The following ZNF638 variants were observed in gnomAD, a reference collection of about 807,000 sequenced individuals.
ZNF638 encodes zinc finger protein 638.
ZNF638 carries 46 observed loss-of-function variants against 195.6 expected under a neutral mutation model. That is an observed-to-expected ratio of 0.24 (90% CI 0.19 to 0.30). The LOEUF is 0.30. ZNF638 is among the 10% of genes least tolerant of loss of function. The pLI, the probability that ZNF638 is intolerant of heterozygous loss-of-function variation, is 1.00. For missense variants in ZNF638, 2,440 were observed against 2,325.3 expected (o/e 1.05, Z -1.01); for synonymous variants, 845 against 772.0 (o/e 1.09, Z -1.57).
At position 71,365,632 on chromosome 2, in the gene ZNF638, T is replaced by G. The variant is rs1265866611; in HGVS notation, c.1921T>G (p.Ser641Ala). The G allele has an allele frequency of 8.1e-6, 13 of 1,613,930 alleles. No homozygotes were observed. The highest frequency in any genetic ancestry group is 1.3e-5 in the African/African-American group (1 of 74,920). ...NLGGHSIRCKSKNLEDDTLSE... is the reference protein window; with the variant it reads ...NLGGHSIRCKAKNLEDDTLSE... ...AGGAGGACATTCTATTCGTTGTAAA[T>G]CAAAGAATCTTGAAGATGACACTTT... is the stretch of plus-strand genomic sequence containing the variant. Residue 641 changes from serine (S) to alanine (A), a missense_variant, in exon 6 of 28, where the codon TCA (serine) becomes GCA (alanine). By Grantham distance (99) the Ser-to-Ala change is moderately conservative. Around this residue, in one of 5 missense-constraint regions of ZNF638, gnomAD observed 1,883 missense variants for 1,739.1 expected, o/e 1.08. Transcript: ENST00000264447.
At chr2:71,344,847 A>G (rs986971354) in intron 1 of ZNF638, among the ~76,000 whole-genome samples, 6 of 152,246 alleles carry the variant, frequency 3.9e-5, no homozygotes, top group African/African-American at 1.4e-4. Flanking sequence ...ATAAATAACA[A>G]GCATCCTTTT....
Position 71,335,199 on chromosome 2 carries a change from G to A in ZNF638, c.-203+3324G>A, listed in dbSNP as rs369134664. ...CAACAGGCACACGTCCCCACACTTG[G>A]CTAATCTTTTTTAAAAAAATTCATA... On this transcript the variant is annotated intron_variant, in intron 1 of 27. Transcript: ENST00000264447. 6.8e-4 allele frequency among the ~76,000 whole-genome samples: 103 copies of A among 152,066 alleles called. No individual in the cohort carries two copies. In the South Asian group the frequency reaches 0.016, roughly 24 times the overall value.
At chr2:71,400,652 C>A in intron 15 of ZNF638, 134 bp downstream of exon 15, 1 of 704,284 alleles carries the variant, frequency 1.4e-6, no homozygotes, top group Non-Finnish European at 2.2e-6. Context: ...ACTTTTAAAA[C>A]ATGATTTTTA....
chr2:71,341,880 T>C (rs1176600086), intron 1 of ZNF638: 1 of 152,214 alleles, frequency 6.6e-6, no homozygotes, highest in African/African-American at 2.4e-5. Flanking sequence ...CTGTTTCTTA[T>C]CACACTGTTT....
chr2:71,433,186 A>G lies in ZNF638; in HGVS notation c.5774A>G (p.Lys1925Arg). Residue 1925 changes from lysine (K) to arginine (R), a missense_variant, in exon 27 of 28, where the codon AAG becomes AGG. This residue lies in a region of ZNF638 where 1,883 missense variants were observed against 1,739.1 expected (regional missense o/e 1.08). Transcript: ENST00000264447. ...CTAGAATTAGACTTTCTTGTACCTA[A>G]GGCTGGATTCTTCTGTCCAATTTGT... ...VPEELDFLVP[K>R]AGFFCPICSL... The G allele has an allele frequency of 6.2e-7, 1 of 1,613,228 alleles. No homozygotes were observed. The highest frequency in any genetic ancestry group is 8.5e-7 in the Non-Finnish European group (1 of 1,179,216).
rs866309020 is a variant in ZNF638, at chr2:71,434,912, C to T, written c.*105C>T. On this transcript the variant is annotated 3_prime_UTR_variant, in exon 28 of 28. Transcript: ENST00000264447. ...AATTTTCGTTTCAGAAGCAAATATT[C>T]GTGTTGTACAAATTTCTGATTGCCC... is the stretch of plus-strand genomic sequence containing the variant. 3 of 975,182 alleles carry T rather than the reference C, an allele frequency of 3.1e-6. No homozygotes were observed. Among genetic ancestry groups the T allele is most frequent in the African/African-American group, 1.7e-5 (1 of 60,532 alleles). The allele number at this position is 975,182 out of a possible 1,614,324, so 60.4% of individuals were successfully genotyped here.
chr2:71,355,272 G>C (rs377737726), intron 2 of ZNF638, among the ~76,000 whole-genome samples: 3 of 152,136 alleles, frequency 2.0e-5, no homozygotes, highest in Non-Finnish European at 4.4e-5. Context: ...TTTGATTGTT[G>C]ATGTTGTTAG....
At chr2:71,356,622 CAAAATA>C (rs574423027) in intron 3 of ZNF638, among the ~76,000 whole-genome samples, 79 of 151,758 alleles carry the variant, frequency 5.2e-4, no homozygotes, top group African/African-American at 1.9e-3. Context: ...TTGTCTCTAC[CAAAATA>C]AAAATAAAAA....
chr2:71,401,747 C>A (rs1288013377), intron 15 of ZNF638, among the ~76,000 whole-genome samples: 1 of 151,682 alleles, frequency 6.6e-6, no homozygotes, highest in Non-Finnish European at 1.5e-5. Context: ...GGTATAACTA[C>A]AATTAGTCTG....
At chr2:71,355,540 G>A (rs1255841456) in intron 2 of ZNF638, among the ~76,000 whole-genome samples, 179 bp from the exon 3 acceptor site, 1 of 152,158 alleles carries the variant, frequency 6.6e-6, no homozygotes, top group African/African-American at 2.4e-5. Context: ...GGTATTAAGT[G>A]CATTTGTTTC....
chr2:71,403,032 T>G (rs1287368901), intron 16 of ZNF638, among the ~76,000 whole-genome samples: 1 of 152,164 alleles, frequency 6.6e-6, no homozygotes. Flanking sequence ...TTGTGTACAG[T>G]GGTTGAACTT....
At chr2:71,332,937 C>T in intron 1 of ZNF638, 1 of 152,126 alleles carries the variant, frequency 6.6e-6, no homozygotes, top group East Asian at 1.9e-4. Flanking sequence ...TTCCAACGAG[C>T]TCTGGAATTT....
At position 71,386,619 on chromosome 2, in the gene ZNF638, A is replaced by G. The variant is rs541575774; in HGVS notation, c.2377+6054A>G. 3.5e-4 allele frequency among the ~76,000 whole-genome samples: 54 copies of G among 152,338 alleles called. 2 individuals carry two copies. Among genetic ancestry groups the G allele is most frequent in the African/African-American group, 1.1e-3 (47 of 41,586 alleles). The stretch of plus-strand genomic sequence containing the variant: ...TACGAAGGAAAACCTAAGAGAATCA[A>G]TTATACAGTGCTATTTAATTATAAT... On this transcript the variant is annotated intron_variant, in intron 10 of 27. Transcript: ENST00000264447.
Position 71,422,991 on chromosome 2 carries a change from C to G in ZNF638, c.3477C>G (p.Asp1159Glu), listed in dbSNP as rs1446832449. Residue 1159 changes from aspartate (D) to glutamate (E), a missense_variant, in exon 22 of 28, where the codon GAC (aspartate) becomes GAG (glutamate). Physicochemically the swap from Asp to Glu is conservative, Grantham distance 45. This residue lies in a region of ZNF638 where 1,883 missense variants were observed against 1,739.1 expected (regional missense o/e 1.08). Transcript: ENST00000264447. ...CTGAAAAAGCAACATGTGATTCTGA[C>G]TTTGCTGTTGAAACTTTGGAGCTTG... ...EEAEKATCDS[D>E]FAVETLELET... is the part of the protein sequence containing the mutation. The G allele has an allele frequency of 6.2e-7, 1 of 1,613,986 alleles. No homozygotes were observed. The highest frequency in any genetic ancestry group is 8.5e-7 in the Non-Finnish European group (1 of 1,180,006).
At position 71,433,048 on chromosome 2, in the gene ZNF638, C is replaced by T. The variant is rs541825266; in HGVS notation, c.5753-117C>T. 2.8e-4 allele frequency: 228 copies of T among 814,772 alleles called. 1 individual carries two copies. Among genetic ancestry groups the T allele is most frequent in the African/African-American group, 2.6e-3 (154 of 58,850 alleles). 50.5% of individuals were successfully genotyped at this position (814,772 alleles called of 1,614,324 possible). On this transcript the variant is annotated intron_variant, in intron 26 of 27. Transcript: ENST00000264447. Reference sequence around the variant, plus strand: ...GTTGCAGTGAGCTGACATCGCGCCACTGCCCTCCAACCTGGATGACAGAGT... The same window carrying T: ...GTTGCAGTGAGCTGACATCGCGCCATTGCCCTCCAACCTGGATGACAGAGT...
chr2:71,400,852 T>G (rs2079992068), intron 15 of ZNF638, among the ~76,000 whole-genome samples: 1 of 152,166 alleles, frequency 6.6e-6, no homozygotes, highest in South Asian at 2.1e-4. Context: ...GAAGTCTATT[T>G]TTTTCTTAGA....
chr2:71,428,933 T>C (rs987811640), intron 25 of ZNF638: 11 of 239,534 alleles, frequency 4.6e-5, no homozygotes, highest in Non-Finnish European at 8.9e-5. Context: ...CTAGCTATTA[T>C]TTGTGGACCT....
rs766794013 is a variant in ZNF638 at position 71,349,149 on chromosome 2, G to A, written c.195G>A (p.Gly65=). Residue 65 remains glycine, a synonymous_variant, in exon 2 of 28, where the codon GGG becomes GGA. Transcript: ENST00000264447. ...FAGHESYQNM[G]PQRMNVQVTQ... is the part of the protein sequence containing the mutation. ...GCCATGAATCTTATCAGAACATGGG[G>A]CCACAGAGAATGAATGTTCAGGTAA... The A allele has an allele frequency of 6.2e-6, 10 of 1,614,160 alleles. No individual in the cohort carries two copies. Among genetic ancestry groups the A allele is most frequent in the Admixed American group, 3.3e-5 (2 of 60,024 alleles).
At chr2:71,411,831 T>G (rs1278130846) in intron 20 of ZNF638, among the ~76,000 whole-genome samples, 5 of 36,838 alleles carry the variant, frequency 1.4e-4, no homozygotes, top group Non-Finnish European at 2.1e-4. Flanking sequence ...CTGCATAGTA[T>G]TCCATGGTGT....
Sources: allele counts gnomAD v4.1 joint callset (sites outside exome capture counted in the v4.1 genomes callset), GRCh38; gene constraint gnomAD v4.1.1; regional missense constraint gnomAD v4.1.1; transcripts MANE v1.5; gene names NCBI Gene and HGNC (gene_info 2026-07-23, HGNC 2026-07-21).